RARB: variants seen among roughly 807,000 people sequenced by gnomAD.
The protein encoded by RARB is HBV-activated protein.
RARB carries 17 observed loss-of-function variants against 51.9 expected under a neutral mutation model. The observed-to-expected ratio is 0.33, with a 90% CI of 0.22 to 0.49. The LOEUF is 0.49. Ranked by LOEUF, RARB falls within the 20% of genes least tolerant of loss-of-function variation. RARB has a pLI of 0.99. For missense variants in RARB, 369 were observed against 550.8 expected, an observed-to-expected ratio of 0.67 and a Z score of 3.30; for synonymous variants, 215 against 195.4, an observed-to-expected ratio of 1.10 and a Z score of -0.84.
At position 24,900,611 on chromosome 3, in the gene RARB, T is replaced by C. The variant is rs200876304; in HGVS notation, c.-380+41859T>C. Among the ~76,000 whole-genome samples the C allele has an allele frequency of 5.3e-5, 8 of 152,318 alleles. No individual in the cohort carries two copies. The East Asian group carries it at 1.4e-3, about 26-fold the overall frequency. The stretch of plus-strand genomic sequence containing the variant: ...ACAGTATTGTTTTGCTTAATAATTA[T>C]CTAATTTGCCAAAGCTTGCTTACAA... On this transcript the variant is annotated intron_variant, in intron 2 of 11. Coordinates refer to the RARB transcript ENST00000383772.
intron 2 of RARB, among the ~76,000 whole-genome samples, chr3:24,863,385 G>T (rs1226987963): frequency 6.6e-6 from 1 of 152,172 alleles, no homozygotes; most frequent in Non-Finnish European, 1.5e-5. Flanking sequence ...CAGTGATACT[G>T]TGTGAAGCAC....
At chr3:24,970,924 T>A (rs1378989139) in intron 2 of RARB, among the ~76,000 whole-genome samples, 1 of 152,034 alleles carries the variant, frequency 6.6e-6, no homozygotes, top group Admixed American at 6.6e-5. Flanking sequence ...TTTTCTCTAA[T>A]GAGTCAGCTC....
chr3:25,296,383 G>A (rs977224), intron 5 of RARB, among the ~76,000 whole-genome samples: 113,723 of 152,014 alleles, frequency 0.75, 42,676 homozygotes, highest in East Asian at 0.92. Flanking sequence ...TGAAAGGTGG[G>A]AAGTAACTTC....
At chr3:24,958,379 A>T (rs1214017188) in intron 2 of RARB, among the ~76,000 whole-genome samples, 1 of 150,480 alleles carries the variant, frequency 6.6e-6, no homozygotes, top group Admixed American at 6.7e-5. Context: ...GGCAAGGAGA[A>T]AACTGTTCTT....
intron 5 of RARB, among the ~76,000 whole-genome samples, chr3:25,587,278 A>G (rs6765189): frequency 0.059 from 9,053 of 152,248 alleles, 508 homozygotes; most frequent in African/African-American, 0.15. Context: ...CTGCTAGGCA[A>G]TAGCACCTGG....
chr3:25,416,777 C>G (rs1318391474), intron 5 of RARB, among the ~76,000 whole-genome samples: 1 of 152,164 alleles, frequency 6.6e-6, no homozygotes, highest in Non-Finnish European at 1.5e-5. Flanking sequence ...TGTTGGGCAG[C>G]CTTACTCAGT....
intron 5 of RARB, among the ~76,000 whole-genome samples, chr3:25,175,793 G>C (rs2125354035): frequency 6.6e-6 from 1 of 152,188 alleles, no homozygotes; most frequent in South Asian, 2.1e-4. Flanking sequence ...TTGAACATTT[G>C]ACCCTCATGT....
intron 2 of RARB, among the ~76,000 whole-genome samples, chr3:24,991,937 G>A (rs781609609): frequency 1.3e-4 from 20 of 151,988 alleles, no homozygotes; most frequent in Admixed American, 3.3e-4. Context: ...CCAGTACCCT[G>A]TGCCAAACTG....
chr3:25,413,034 A>AAAG (rs568991678), intron 5 of RARB, among the ~76,000 whole-genome samples: 2 of 152,144 alleles, frequency 1.3e-5, no homozygotes, highest in East Asian at 3.9e-4. Context: ...GAAAAAAAAA[A>AAAG]AAGAAGAAGA....
intron 1 of RARB, among the ~76,000 whole-genome samples, chr3:25,442,074 G>A (rs1559404146): frequency 6.6e-6 from 1 of 151,708 alleles, no homozygotes; most frequent in Non-Finnish European, 1.5e-5. Flanking sequence ...TTTGAAATGC[G>A]GTTAATACAG....
intron 5 of RARB, among the ~76,000 whole-genome samples, chr3:25,197,518 G>T (rs558772373): frequency 5.9e-5 from 9 of 151,994 alleles, no homozygotes; most frequent in African/African-American, 1.7e-4. Flanking sequence ...GTTTCCAGAT[G>T]ACATCATCTT....
intron 2 of RARB, among the ~76,000 whole-genome samples, chr3:25,040,365 G>A (rs1698087052): frequency 1.3e-5 from 2 of 152,282 alleles, no homozygotes; most frequent in South Asian, 2.1e-4. Flanking sequence ...TTCATAGGAG[G>A]GTGGAATCCA....
intron 2 of RARB, among the ~76,000 whole-genome samples, chr3:25,019,859 G>A (rs1042978114): frequency 2.7e-4 from 41 of 152,066 alleles, no homozygotes; most frequent in African/African-American, 9.9e-4. Context: ...GGTCTTCCAT[G>A]GGGGCACTTG....
chr3:24,938,669 A>T (rs974766110), intron 2 of RARB, among the ~76,000 whole-genome samples: 5 of 152,200 alleles, frequency 3.3e-5, no homozygotes, highest in Admixed American at 6.5e-5. Context: ...CTGTCCATTT[A>T]TAAAACTTTT....
At chr3:25,225,876 C>T (rs1296800848) in intron 5 of RARB, among the ~76,000 whole-genome samples, 5 of 152,152 alleles carry the variant, frequency 3.3e-5, no homozygotes, top group African/African-American at 1.2e-4. Flanking sequence ...GATAATTCAC[C>T]CAACAACCTT....
In RARB at chr3:25,461,258, C is replaced by A; in HGVS notation, c.223C>A (p.Pro75Thr). ...AAGCCCCCCATCTCCACTTCCTCCC[C>A]CTCGAGTGTACAAACCCTGCTTCGT... ...VPSPPSPLPP[P>T]RVYKPCFVCQ... Residue 75 changes from proline to threonine, a missense_variant, in exon 2 of 8, where the codon CCT becomes ACT. Transcript: ENST00000330688. 1 of 1,614,082 alleles carries A rather than the reference C, an allele frequency of 6.2e-7. No homozygotes were observed. Among genetic ancestry groups the A allele is most frequent in the Non-Finnish European group, 8.5e-7 (1 of 1,179,986 alleles).
chr3:25,195,115 A>G (rs1402333110), intron 5 of RARB, among the ~76,000 whole-genome samples: 1 of 152,054 alleles, frequency 6.6e-6, no homozygotes, highest in Non-Finnish European at 1.5e-5. Flanking sequence ...TTCATGGTAC[A>G]AAAGGTCTTT....
Position 25,018,926 on chromosome 3 carries a change from C to T in RARB, c.-379-41199C>T, listed in dbSNP as rs1288107057. Among the ~76,000 whole-genome samples, 4 of 152,128 alleles carry T rather than the reference C, an allele frequency of 2.6e-5. No homozygotes were observed. The East Asian group carries it at 7.7e-4, about 29-fold the overall frequency. The stretch of plus-strand genomic sequence containing the variant: ...TTCAGTCATTTTTCCCCTTCCCATC[C>T]AACTTAAGTTTATGCTACTAACCCA... On this transcript the variant is annotated intron_variant, in intron 2 of 11. Transcript: ENST00000383772.
At chr3:24,943,976 G>A (rs1275243765) in intron 2 of RARB, among the ~76,000 whole-genome samples, 1 of 152,158 alleles carries the variant, frequency 6.6e-6, no homozygotes, top group Non-Finnish European at 1.5e-5. Context: ...CAGAGCAAGA[G>A]TGAATAATAA....
Sources: allele counts gnomAD v4.1 joint callset (sites outside exome capture counted in the v4.1 genomes callset), GRCh38; gene constraint gnomAD v4.1.1; transcripts MANE v1.5; gene names NCBI Gene and HGNC (gene_info 2026-07-23, HGNC 2026-07-21).